The following GRIK2 variants were observed in gnomAD, a reference collection of about 807,000 sequenced individuals.
GRIK2 encodes the protein glutamate receptor ionotropic, kainate 2.
In GRIK2, 32 loss-of-function variants were observed where a neutral mutation model predicts 100.3. The ratio of observed to expected loss-of-function variants is 0.32; its 90% CI spans 0.24 to 0.43. The LOEUF (loss-of-function observed/expected upper bound fraction) is 0.43. Among genes scored for constraint, GRIK2 ranks in the 20% least tolerant of loss-of-function variants. GRIK2 has a pLI of 1.00. For missense variants in GRIK2, 843 were observed against 1,114.9 expected, an observed-to-expected ratio of 0.76 and a Z score of 3.47; for synonymous variants, 417 against 389.4, an observed-to-expected ratio of 1.07 and a Z score of -0.83.
At chr6:101,793,936 C>A (rs889349208) in intron 7 of GRIK2, among the ~76,000 whole-genome samples, 1 of 152,186 alleles carries the variant, frequency 6.6e-6, no homozygotes, top group South Asian at 2.1e-4. Context: ...CTCCCAGCCT[C>A]CCTGCCGCGT....
At chr6:101,612,850 G>C (rs1562261028) in intron 2 of GRIK2, among the ~76,000 whole-genome samples, 1 of 151,352 alleles carries the variant, frequency 6.6e-6, no homozygotes, top group Non-Finnish European at 1.5e-5. Flanking sequence ...ATCAGGTAAA[G>C]GTAAGTGGTT....
intron 2 of GRIK2, among the ~76,000 whole-genome samples, chr6:101,564,257 C>T (rs766081732): frequency 1.3e-5 from 2 of 152,116 alleles, no homozygotes; most frequent in Non-Finnish European, 2.9e-5. Context: ...CCCAGAAGAA[C>T]GCTATTCTCT....
intron 11 of GRIK2, among the ~76,000 whole-genome samples, chr6:101,880,072 A>G (rs2128452836): frequency 6.6e-6 from 1 of 152,068 alleles, no homozygotes; most frequent in East Asian, 1.9e-4. Flanking sequence ...ATCTAGTGTC[A>G]GAGCCAACTA....
chr6:101,714,883 A>T (rs1252531897), intron 7 of GRIK2, among the ~76,000 whole-genome samples: 1 of 151,792 alleles, frequency 6.6e-6, no homozygotes. Flanking sequence ...ATACACTAAA[A>T]ATCTGAAGCA....
intron 12 of GRIK2, 178 bp downstream of exon 12, chr6:101,890,041 T>A (rs1178110170): frequency 3.4e-6 from 2 of 591,820 alleles, no homozygotes; most frequent in Non-Finnish European, 6.0e-6. Flanking sequence ...CCTGTCTTTG[T>A]GGGCAGAGAG....
intron 10 of GRIK2, among the ~76,000 whole-genome samples, 180 bp from the exon 11 acceptor site, chr6:101,859,107 A>G (rs9404154): frequency 1.3e-5 from 2 of 152,052 alleles, no homozygotes; most frequent in Non-Finnish European, 2.9e-5. Context: ...CTACTATTTC[A>G]TATAAAACCT....
chr6:101,688,456 A>G (rs924113067), intron 7 of GRIK2, among the ~76,000 whole-genome samples: 20 of 151,966 alleles, frequency 1.3e-4, no homozygotes, highest in African/African-American at 4.1e-4. Flanking sequence ...TGAAAGACAG[A>G]TAAGTACAAA....
At position 101,610,991 on chromosome 6, in the gene GRIK2, A is replaced by G. The variant is rs1562259910; in HGVS notation, c.116-10958A>G. On this transcript the variant is annotated intron_variant, in intron 2 of 16. Coordinates refer to ENST00000369134, the MANE Select transcript of GRIK2 (RefSeq NM_021956.5). ...GTAAATTGCTAACATTTAAGTAGCCATTTCCCAATTTTCTTCTCAGTGTGC... is the reference window on the plus strand; with the variant it reads ...GTAAATTGCTAACATTTAAGTAGCCGTTTCCCAATTTTCTTCTCAGTGTGC... Among the ~76,000 whole-genome samples the G allele has an allele frequency of 2.6e-5, 4 of 151,816 alleles. No individual in the cohort carries two copies. The South Asian group carries it at 8.3e-4, about 31-fold the overall frequency.
intron 2 of GRIK2, among the ~76,000 whole-genome samples, chr6:101,556,321 A>AGTTTTTTTTTTTTTTTTT (rs1776735831): frequency 1.7e-5 from 1 of 59,396 alleles, no homozygotes; most frequent in African/African-American, 5.6e-5. Context: ...TATATTGGTA[A>AGTTTTTTTTTTTTTTTTT]TTTTTTTTTT....
intron 12 of GRIK2, among the ~76,000 whole-genome samples, chr6:101,901,442 A>G (rs1787840549): frequency 1.3e-5 from 2 of 151,892 alleles, no homozygotes; most frequent in Non-Finnish European, 2.9e-5. Context: ...CAATATTATG[A>G]CTTTTCTTCA....
At chr6:101,960,748 C>T (rs1792246266) in intron 14 of GRIK2, among the ~76,000 whole-genome samples, 1 of 152,134 alleles carries the variant, frequency 6.6e-6, no homozygotes, top group Non-Finnish European at 1.5e-5. Flanking sequence ...AGGAAACTTA[C>T]CTTATTCCGC....
chr6:101,860,672 C>T lies in GRIK2; in HGVS notation c.1524+1179C>T, dbSNP rs547356374. The stretch of plus-strand genomic sequence containing the variant: ...GGTTGATATCACTGGTGAAGTCTTT[C>T]GAAAGGGCTGTTTTCTGTTTTCAGT... On this transcript the variant is annotated intron_variant, in intron 11 of 16. Transcript: ENST00000369134. 8.5e-5 allele frequency among the ~76,000 whole-genome samples: 13 copies of T among 152,208 alleles called. No homozygotes were observed. In the South Asian group the frequency reaches 2.5e-3, roughly 29 times the overall value.
intron 11 of GRIK2, among the ~76,000 whole-genome samples, chr6:101,871,609 A>G (rs898520559): frequency 3.3e-5 from 5 of 151,934 alleles, no homozygotes; most frequent in Admixed American, 6.6e-5. Context: ...AGCTCCCATT[A>G]TAAGTGAGAA....
chr6:101,732,248 A>G (rs17054635), intron 7 of GRIK2, among the ~76,000 whole-genome samples: 5,504 of 152,156 alleles, frequency 0.036, 173 homozygotes, highest in East Asian at 0.12. Flanking sequence ...AGATGAGACA[A>G]TCAACTTCCT....
chr6:101,463,258 A>G (rs534064633), intron 2 of GRIK2, among the ~76,000 whole-genome samples: 82 of 152,310 alleles, frequency 5.4e-4, no homozygotes, highest in African/African-American at 1.9e-3. Flanking sequence ...TTAAAAAAAG[A>G]AACTGTAGTC....
At chr6:101,975,809 G>GTCTGTCTGTCTATCTATCTATCTA (rs141650149) in intron 14 of GRIK2, among the ~76,000 whole-genome samples, 14 of 147,514 alleles carry the variant, frequency 9.5e-5, no homozygotes, top group Admixed American at 4.8e-4. Context: ...CTATCTATCT[G>GTCTGTCTGTCTATCTATCTATCTA]TCTATCTATC....
intron 13 of GRIK2, among the ~76,000 whole-genome samples, chr6:101,926,637 T>C (rs976333892): frequency 6.6e-6 from 1 of 152,160 alleles, no homozygotes; most frequent in South Asian, 2.1e-4. Context: ...AATTCAAATA[T>C]ACATTTGCTT....
intron 14 of GRIK2, among the ~76,000 whole-genome samples, chr6:101,945,217 G>A (rs1020103854): frequency 7.9e-5 from 12 of 151,956 alleles, no homozygotes; most frequent in East Asian, 1.9e-4. Flanking sequence ...CAACTTAAGC[G>A]TCTTAAATGA....
At chr6:101,420,507 C>T (rs751983496) in intron 2 of GRIK2, among the ~76,000 whole-genome samples, 5 of 152,170 alleles carry the variant, frequency 3.3e-5, no homozygotes, top group Non-Finnish European at 5.9e-5. Context: ...CCAGCATCAT[C>T]AGTACCACCA....
Sources: allele counts gnomAD v4.1 joint callset (sites outside exome capture counted in the v4.1 genomes callset), GRCh38; gene constraint gnomAD v4.1.1; transcripts MANE v1.5; gene names NCBI Gene and HGNC (gene_info 2026-07-23, HGNC 2026-07-21).